Variants in NELFCD observed in about 807,000 individuals in gnomAD.
NELFCD encodes the protein negative elongation factor complex member C/D.
In NELFCD, 48 loss-of-function variants were observed where a neutral mutation model predicts 72.9. That is an observed-to-expected ratio of 0.66 (90% CI 0.52 to 0.84). The LOEUF (loss-of-function observed/expected upper bound fraction) is 0.84. Ranked by LOEUF, NELFCD falls within the 40% of genes least tolerant of loss-of-function variation. The probability of loss-of-function intolerance (pLI) is 0.00; values close to 1 mark genes in which losing one functional copy is unlikely to be tolerated. For missense variants in NELFCD, 538 were observed against 723.8 expected (o/e 0.74, Z 2.94); for synonymous variants, 297 against 280.6 (o/e 1.06, Z -0.59).
chr20:58,989,109 G>C (rs866218046), intron 5 of NELFCD, 88 bp downstream of exon 5: 3 of 984,398 alleles, frequency 3.0e-6, no homozygotes, highest in Middle Eastern at 4.3e-4. Context: ...GTTCATATTT[G>C]CTTTTTTTCC....
At chr20:58,991,144 AT>A in intron 8 of NELFCD, 69 bp downstream of exon 8, 1 of 1,575,544 alleles carries the variant, frequency 6.3e-7, no homozygotes, top group Non-Finnish European at 8.7e-7. Flanking sequence ...TGCTTGTCTG[AT>A]TGTCTGAAGG....
At chr20:58,992,866 A>AT in intron 10 of NELFCD, 132 bp from the exon 11 acceptor site, 14 of 567,486 alleles carry the variant, frequency 2.5e-5, no homozygotes, top group African/African-American at 3.8e-5. Context: ...AAAAAAAAAA[A>AT]GGGTTGGGGG....
chr20:58,991,524 T>C (rs2091817250), intron 9 of NELFCD, 78 bp downstream of exon 9: 1 of 1,550,496 alleles, frequency 6.4e-7, no homozygotes, highest in South Asian at 1.2e-5. Context: ...TTTGGAATTT[T>C]GGCTGCAAGA....
chr20:58,994,114 T>A lies in NELFCD; in HGVS notation c.1586T>A (p.Leu529Gln), dbSNP rs772485653. The A allele has an allele frequency of 6.2e-7, 1 of 1,614,202 alleles. No homozygotes were observed. Among genetic ancestry groups the A allele is most frequent in the South Asian group, 1.1e-5 (1 of 91,090 alleles). The change falls in exon 14 of 15, where the codon CTG (leucine) becomes CAG (glutamine). Residue 529 changes from leucine to glutamine, a missense_variant. Around this residue, in one of 3 missense-constraint regions of NELFCD, gnomAD observed 136 missense variants for 154.0 expected, o/e 0.88. Coordinates refer to ENST00000652272, the MANE Select transcript of NELFCD (RefSeq NM_198976.4). ...SLIRYFVTEV[L>Q]DVIAPPYTSD... ...ACCCTGTGCTCCCCCACGCAGGTGC[T>A]GGACGTCATTGCTCCTCCTTATACC...
At chr20:58,983,467 T>G (rs1047739561) in intron 1 of NELFCD, among the ~76,000 whole-genome samples, 19 of 137,972 alleles carry the variant, frequency 1.4e-4, no homozygotes, top group African/African-American at 4.7e-4. Flanking sequence ...TGAGACGGAG[T>G]CTCACTCTGT....
chr20:58,994,580 A>T, intron 14 of NELFCD, 62 bp from the exon 15 acceptor site: 3 of 1,292,938 alleles, frequency 2.3e-6, no homozygotes, highest in Non-Finnish European at 3.3e-6. Context: ...AAAAAAAAAA[A>T]GAAAGAAAAT....
In NELFCD at chr20:58,986,633, GCAC is replaced by G; in HGVS notation, c.177-119_177-117del. 1.3e-6 allele frequency: 1 copy of G among 776,226 alleles called. No individual in the cohort carries two copies. The highest frequency in any genetic ancestry group is 2.3e-6 in the Non-Finnish European group (1 of 425,850). The allele number at this position is 776,226 out of a possible 1,614,324, so 48.1% of individuals were successfully genotyped here. On this transcript the variant is annotated intron_variant, in intron 2 of 14. Coordinates refer to ENST00000652272, the MANE Select transcript of NELFCD (RefSeq NM_198976.4). This position sits in a 1 kb window ranked among gnomAD's most constrained non-coding sequence, Gnocchi z 4.4. ...GCTGGGATTACAGGTGTGCACCACT[GCAC>G]CCAGCCCCCTCCGCTGCTTTAAAAA... is the stretch of plus-strand genomic sequence containing the variant.
intron 14 of NELFCD, 128 bp from the exon 15 acceptor site, chr20:58,994,514 A>G: frequency 1.3e-6 from 1 of 798,358 alleles, no homozygotes; most frequent in Non-Finnish European, 2.1e-6. Flanking sequence ...GTGAGCCAAG[A>G]TCGCGCCATT....
chr20:58,993,940 C>T lies in NELFCD; in HGVS notation c.1582-170C>T, dbSNP rs551239012. The T allele has an allele frequency of 2.8e-6, 3 of 1,063,920 alleles. No homozygotes were observed. Among genetic ancestry groups the T allele is most frequent in the African/African-American group, 1.6e-5 (1 of 63,990 alleles). 65.9% of individuals were successfully genotyped at this position (1,063,920 alleles called of 1,614,324 possible). A position where few individuals can be genotyped will look rare whatever the true frequency, so the allele number is the denominator to read the frequency against. On this transcript the variant is annotated intron_variant, in intron 13 of 14. Transcript: ENST00000652272. The surrounding 1 kb of genome is among the most constrained non-coding windows in gnomAD (Gnocchi z 5.0). ...TTCTGCCTGCAGCAGCTGTATGACA[C>T]ACTTTACCTCCATTACCACCCTGGG...
intron 1 of NELFCD, among the ~76,000 whole-genome samples, chr20:58,983,723 G>A (rs1043393670): frequency 6.6e-6 from 1 of 152,162 alleles, no homozygotes; most frequent in Non-Finnish European, 1.5e-5. Flanking sequence ...ACCGTGCCCG[G>A]CCTCACCTTG....
rs1253246497 is a variant in NELFCD at position 58,988,933 on chromosome 20, A to G, written c.416A>G (p.Gln139Arg). ...TGGCAGACCCCAGCGTGGCTGGAACAGATGATTGCACATACCACGTGGCGG... is the reference window on the plus strand; with the variant it reads ...TGGCAGACCCCAGCGTGGCTGGAACGGATGATTGCACATACCACGTGGCGG... The part of the protein sequence containing the change: ...EEGETPAWLE[Q>R]MIAHTTWRDL... Residue 139 changes from glutamine (Q) to arginine (R), a missense_variant, in exon 5 of 15, where the codon CAG becomes CGG. Transcript: ENST00000652272. 9.3e-6 allele frequency: 15 copies of G among 1,614,154 alleles called. No homozygotes were observed. The highest frequency in any genetic ancestry group is 1.3e-5 in the Non-Finnish European group (15 of 1,179,972).
chr20:58,994,068 C>G, intron 13 of NELFCD, 42 bp from the exon 14 acceptor site: 1 of 1,608,712 alleles, frequency 6.2e-7, no homozygotes, highest in South Asian at 1.1e-5. Context: ...GGATGCCCCG[C>G]ACTAGTGTGC....
At chr20:58,985,467 T>C (rs890894472) in intron 1 of NELFCD, among the ~76,000 whole-genome samples, 25 of 152,200 alleles carry the variant, frequency 1.6e-4, no homozygotes, top group African/African-American at 5.5e-4. Flanking sequence ...CCTCACATGG[T>C]CATTAGCAGG....
chr20:58,991,855 T>C (rs756405424), intron 9 of NELFCD, 26 bp from the exon 10 acceptor site: 1 of 1,611,504 alleles, frequency 6.2e-7, no homozygotes, highest in East Asian at 2.2e-5. Flanking sequence ...CCTGTCAGGC[T>C]CACCAGCTTG....
intron 4 of NELFCD, 65 bp downstream of exon 4, chr20:58,987,882 A>T (rs1219749591): frequency 8.3e-7 from 1 of 1,210,124 alleles, no homozygotes; most frequent in African/African-American, 1.5e-5. Context: ...CCCTGTGTAC[A>T]GTGGAGCGTG....
chr20:58,990,652 G>C (rs1161265019), intron 7 of NELFCD: 3 of 385,800 alleles, frequency 7.8e-6, no homozygotes, highest in East Asian at 8.6e-5. Context: ...CGCAAAATGA[G>C]CTCATATTAG....
At position 58,986,947 on chromosome 20, in the gene NELFCD, A is replaced by G. The variant is rs755975313; in HGVS notation, c.286+84A>G. ...TTTGGGTCCTTATAACACTGATACA[A>G]TGCCTTCTTTGATTTCCTGGTTTCT... is the stretch of plus-strand genomic sequence containing the variant. On this transcript the variant is annotated intron_variant, in intron 3 of 14. Transcript: ENST00000652272. The surrounding 1 kb of genome is among the most constrained non-coding windows in gnomAD (Gnocchi z 4.4). 2.7e-6 allele frequency: 2 copies of G among 733,340 alleles called. No homozygotes were observed. Among genetic ancestry groups the G allele is most frequent in the East Asian group, 2.8e-5 (1 of 35,254 alleles). The allele number at this position is 733,340 out of a possible 1,614,324, so 45.4% of individuals were successfully genotyped here. A position where few individuals can be genotyped will look rare whatever the true frequency, so the allele number is the denominator to read the frequency against.
chr20:58,989,679 C>T, intron 6 of NELFCD, 39 bp downstream of exon 6: 1 of 1,613,634 alleles, frequency 6.2e-7, no homozygotes, highest in Non-Finnish European at 8.5e-7. Flanking sequence ...TAGAAGGAGG[C>T]TGCTTTGGGT....
At chr20:58,992,649 A>T (rs550935524) in intron 10 of NELFCD, among the ~76,000 whole-genome samples, 5 of 152,150 alleles carry the variant, frequency 3.3e-5, no homozygotes, top group African/African-American at 4.8e-5. Flanking sequence ...GAATCCCAGC[A>T]ATCTGGGAGG....
Sources: gnomAD v4.1 joint callset for allele counts (sites outside exome capture counted in the v4.1 genomes callset) on GRCh38, gnomAD v4.1.1 for gene constraint, gnomAD v4.1.1 regional missense constraint, Gnocchi (gnomAD v3.1) non-coding constraint, MANE v1.5 for transcripts, NCBI Gene and HGNC (gene_info 2026-07-23, HGNC 2026-07-21) for gene names.